Variants in FOXP1 observed in about 807,000 individuals in gnomAD.
FOXP1 encodes forkhead box P1, also known as forkhead box protein P1.
In FOXP1, 15 loss-of-function variants were observed where a neutral mutation model predicts 98.2. The observed-to-expected ratio is 0.15, with a 90% CI of 0.10 to 0.24. FOXP1 has a LOEUF of 0.24. Ranked by LOEUF, FOXP1 falls within the 10% of genes least tolerant of loss-of-function variation. The pLI is 1.00. For missense variants in FOXP1, 633 were observed against 848.5 expected, an observed-to-expected ratio of 0.75 and a Z score of 3.15; for synonymous variants, 371 against 314.5, an observed-to-expected ratio of 1.18 and a Z score of -1.90.
intron 14 of FOXP1, among the ~76,000 whole-genome samples, chr3:70,981,529 C>A (rs1198249151): frequency 2.0e-5 from 3 of 152,168 alleles, no homozygotes; most frequent in African/African-American, 7.2e-5. Flanking sequence ...TCGACTGACC[C>A]CACCATCAAT....
intron 3 of FOXP1, among the ~76,000 whole-genome samples, chr3:71,457,176 A>G (rs1240840923): frequency 6.6e-6 from 1 of 152,216 alleles, no homozygotes; most frequent in African/African-American, 2.4e-5. Context: ...CAGTAATAAC[A>G]TATTTATATC....
chr3:71,492,128 G>T (rs2091102297), intron 3 of FOXP1, among the ~76,000 whole-genome samples: 1 of 152,032 alleles, frequency 6.6e-6, no homozygotes, highest in Non-Finnish European at 1.5e-5. Context: ...GATAGGATAG[G>T]ATCCTCTAAC....
At chr3:71,337,675 C>T (rs956416270) in intron 4 of FOXP1, among the ~76,000 whole-genome samples, 1 of 152,136 alleles carries the variant, frequency 6.6e-6, no homozygotes, top group Non-Finnish European at 1.5e-5. Context: ...CAGCAGGGAC[C>T]CCAATCAGTC....
intron 5 of FOXP1, among the ~76,000 whole-genome samples, chr3:71,237,230 T>TG (rs1211185717): frequency 2.5e-4 from 5 of 19,828 alleles, no homozygotes; most frequent in East Asian, 2.9e-3. Context: ...AGACTCCATC[T>TG]GAAAAAAAAA....
chr3:71,134,405 T>C (rs2059717818), intron 6 of FOXP1, among the ~76,000 whole-genome samples: 1 of 152,138 alleles, frequency 6.6e-6, no homozygotes, highest in Non-Finnish European at 1.5e-5. Flanking sequence ...CAAGGTATCA[T>C]TAACAAAAGG....
chr3:70,977,952 C>T lies in FOXP1; in HGVS notation c.1224G>A (p.Thr408=), dbSNP rs758412862. Residue 408 remains threonine (T), a synonymous_variant, in exon 15 of 21, where the codon ACG becomes ACA. Transcript: ENST00000649528. The part of the protein sequence containing the change: ...ASPQSLPHTP[T]TPTAPLTPVT... Reference sequence around the variant, plus strand: ...CGGGAGTCAGGGGGGCGGTTGGGGTCGTTGGAGTATGAGGTAAGCTCTGTG... The same window carrying T: ...CGGGAGTCAGGGGGGCGGTTGGGGTTGTTGGAGTATGAGGTAAGCTCTGTG... The T allele has an allele frequency of 9.9e-6, 16 of 1,613,882 alleles. 1 individual carries two copies. In the South Asian group the frequency reaches 1.3e-4, roughly 13 times the overall value.
At chr3:70,990,547 T>C (rs984864444) in intron 13 of FOXP1, among the ~76,000 whole-genome samples, 7 of 152,320 alleles carry the variant, frequency 4.6e-5, no homozygotes, top group Non-Finnish European at 8.8e-5. Context: ...TATTCCAGCA[T>C]TTCCTCTTAA....
intron 6 of FOXP1, among the ~76,000 whole-genome samples, chr3:71,120,164 A>G (rs548534946): frequency 6.6e-5 from 10 of 152,240 alleles, no homozygotes; most frequent in Non-Finnish European, 1.3e-4. Flanking sequence ...ATTCACAGAC[A>G]GCCTTTAACA....
rs1464592507 is a variant in FOXP1 at position 70,958,388 on chromosome 3, A to T, written c.*859T>A. 3 of 515,908 alleles carry T rather than the reference A, an allele frequency of 5.8e-6. No homozygotes were observed. The highest frequency in any genetic ancestry group is 1.1e-5 in the Non-Finnish European group (3 of 268,086). 32.0% of individuals were successfully genotyped at this position (515,908 alleles called of 1,614,324 possible). Reference sequence around the variant, plus strand: ...GAGAGGGCCTTCATGTGTAGAGTGCAGCATTTGGGACCTTTTTGAAAAAGA... The same window carrying T: ...GAGAGGGCCTTCATGTGTAGAGTGCTGCATTTGGGACCTTTTTGAAAAAGA... On this transcript the variant is annotated 3_prime_UTR_variant, in exon 21 of 21. Transcript: ENST00000649528.
chr3:71,198,722 C>T (rs1047202047), intron 5 of FOXP1, among the ~76,000 whole-genome samples: 14 of 151,282 alleles, frequency 9.3e-5, no homozygotes, highest in African/African-American at 2.7e-4. Context: ...AGATGGAGCA[C>T]GGCTCAGTCG....
At chr3:71,379,595 T>C (rs1463718737) in intron 3 of FOXP1, among the ~76,000 whole-genome samples, 4 of 112,918 alleles carry the variant, frequency 3.5e-5, no homozygotes, top group African/African-American at 1.0e-4. Flanking sequence ...TGTATGTTTT[T>C]AAATGGTTAG....
intron 5 of FOXP1, among the ~76,000 whole-genome samples, chr3:71,210,409 G>A (rs767327945): frequency 4.7e-4 from 72 of 152,042 alleles, no homozygotes; most frequent in African/African-American, 1.6e-3. Context: ...CTGAGGCCTC[G>A]ACAATGTCAG....
At chr3:70,959,864 G>A (rs904550400) in intron 20 of FOXP1, among the ~76,000 whole-genome samples, 2 of 152,298 alleles carry the variant, frequency 1.3e-5, no homozygotes, top group Admixed American at 6.5e-5. Context: ...AAGCCCCCAA[G>A]TGATGCCGGT....
chr3:71,130,539 G>A, intron 6 of FOXP1: 1 of 1,598,444 alleles, frequency 6.3e-7, no homozygotes, highest in South Asian at 1.1e-5. Context: ...CGTACTGTCT[G>A]CCTTTGGATT....
intron 3 of FOXP1, among the ~76,000 whole-genome samples, chr3:71,411,640 A>G (rs1362497893): frequency 6.6e-6 from 1 of 152,172 alleles, no homozygotes; most frequent in Admixed American, 6.6e-5. Flanking sequence ...TTCATACCAC[A>G]TCTTCTGATC....
At chr3:71,554,019 A>G (rs2045951838) in intron 2 of FOXP1, among the ~76,000 whole-genome samples, 1 of 152,188 alleles carries the variant, frequency 6.6e-6, no homozygotes, top group African/African-American at 2.4e-5. Context: ...TGAATCTAGT[A>G]AAACCAGTTT....
intron 11 of FOXP1, among the ~76,000 whole-genome samples, chr3:71,033,619 A>C (rs1321853981): frequency 1.3e-5 from 2 of 151,278 alleles, no homozygotes; most frequent in Non-Finnish European, 3.0e-5. Flanking sequence ...AAAAAAAAAA[A>C]AAAAAAAACA....
At chr3:70,993,548 C>T (rs1013600593) in intron 13 of FOXP1, among the ~76,000 whole-genome samples, 1 of 152,178 alleles carries the variant, frequency 6.6e-6, no homozygotes, top group Admixed American at 6.5e-5. Context: ...TGGGAGGGAT[C>T]CCTGCAAATT....
At chr3:71,579,580 C>T (rs1489664308) in intron 2 of FOXP1, among the ~76,000 whole-genome samples, 2 of 151,194 alleles carry the variant, frequency 1.3e-5, no homozygotes, top group African/African-American at 4.9e-5. Flanking sequence ...CAAGAGTGGG[C>T]TGACACAAAA....
Sources: allele counts gnomAD v4.1 joint callset (sites outside exome capture counted in the v4.1 genomes callset), GRCh38; gene constraint gnomAD v4.1.1; transcripts MANE v1.5; gene names NCBI Gene and HGNC (gene_info 2026-07-23, HGNC 2026-07-21).